Variants in HIPK2 observed in about 807,000 individuals in gnomAD.
HIPK2 encodes the protein homeodomain-interacting protein kinase 2.
In HIPK2, 27 loss-of-function variants were observed where a neutral mutation model predicts 113.7. That is an observed-to-expected ratio of 0.24 (90% CI 0.17 to 0.33). HIPK2 has a LOEUF of 0.33. Among genes scored for constraint, HIPK2 ranks in the 10% least tolerant of loss-of-function variants. The probability of loss-of-function intolerance (pLI) is 1.00; values close to 1 mark genes in which losing one functional copy is unlikely to be tolerated. For missense variants in HIPK2, 1,257 were observed against 1,588.0 expected, an observed-to-expected ratio of 0.79 and a Z score of 3.54; for synonymous variants, 631 against 642.2, an observed-to-expected ratio of 0.98 and a Z score of 0.26.
chr7:139,773,918 C>T (rs1796695256), intron 1 of HIPK2, among the ~76,000 whole-genome samples: 1 of 152,228 alleles, frequency 6.6e-6, no homozygotes, highest in South Asian at 2.1e-4. Flanking sequence ...CCCTGAAACT[C>T]TGCCCCAGCA....
At chr7:139,707,757 A>C (rs1794945178) in intron 2 of HIPK2, among the ~76,000 whole-genome samples, 1 of 152,244 alleles carries the variant, frequency 6.6e-6, no homozygotes, top group African/African-American at 2.4e-5. Flanking sequence ...CATACATGAG[A>C]GTTACAGCTC....
In HIPK2 at chr7:139,573,134, G is replaced by T; in HGVS notation, c.3390C>A (p.Thr1130=). The change falls in exon 15 of 15, where the codon ACC becomes ACA. Residue 1130 remains threonine, a synonymous_variant. Coordinates refer to ENST00000406875, the MANE Select transcript of HIPK2 (RefSeq NM_022740.5). Reference sequence around the variant, plus strand: ...TGGCTGGGTAGGCAGTGTGCTGCACGGTGTGGCGCGCAGAGCCTTGCGAGG... The same window carrying T: ...TGGCTGGGTAGGCAGTGTGCTGCACTGTGTGGCGCGCAGAGCCTTGCGAGG... ...LVASQGSARH[T]VQHTAYPASI... The T allele has an allele frequency of 6.2e-7, 1 of 1,611,638 alleles. No individual in the cohort carries two copies. Among genetic ancestry groups the T allele is most frequent in the Non-Finnish European group, 8.5e-7 (1 of 1,179,312 alleles).
Position 139,562,352 on chromosome 7 carries a change from G to A in HIPK2, c.*10575C>T, listed in dbSNP as rs1055028526. The A allele has an allele frequency of 2.6e-5, 4 of 152,236 alleles. No homozygotes were observed. The highest frequency in any genetic ancestry group is 4.8e-5 in the African/African-American group (2 of 41,438). 9.4% of individuals were successfully genotyped at this position (152,236 alleles called of 1,614,324 possible). A position where few individuals can be genotyped will look rare whatever the true frequency, so the allele number is the denominator to read the frequency against. ...GAGATGACCCTGGGGAGGGAGCCAC[G>A]TTCCTTGGACCTGGTGACTTAGTGT... On this transcript the variant is annotated 3_prime_UTR_variant, in exon 15 of 15. Coordinates refer to ENST00000406875, the MANE Select transcript of HIPK2 (RefSeq NM_022740.5).
intron 13 of HIPK2, among the ~76,000 whole-genome samples, chr7:139,582,721 G>A (rs1361703694): frequency 6.6e-6 from 1 of 152,246 alleles, no homozygotes; most frequent in Non-Finnish European, 1.5e-5. Flanking sequence ...TCCCCTTTAG[G>A]CAGAGCCTCT....
intron 1 of HIPK2, among the ~76,000 whole-genome samples, chr7:139,726,657 G>A (rs923478223): frequency 4.6e-5 from 7 of 152,196 alleles, no homozygotes; most frequent in African/African-American, 1.7e-4. Context: ...CCAGCACCCA[G>A]TTCCTACTTG....
intron 1 of HIPK2, among the ~76,000 whole-genome samples, chr7:139,747,684 C>A (rs527335299): frequency 6.4e-4 from 98 of 152,356 alleles, no homozygotes; most frequent in Non-Finnish European, 1.1e-3. Flanking sequence ...AGGGCACTAG[C>A]CAAGCCAGGG....
At chr7:139,720,276 T>TA (rs1291687137) in intron 1 of HIPK2, among the ~76,000 whole-genome samples, 3 of 152,186 alleles carry the variant, frequency 2.0e-5, no homozygotes, top group Non-Finnish European at 4.4e-5. Context: ...CTACAGCACT[T>TA]ACCATATGTA....
intron 1 of HIPK2, among the ~76,000 whole-genome samples, chr7:139,733,379 T>G (rs1253085658): frequency 6.6e-6 from 1 of 152,216 alleles, no homozygotes; most frequent in Non-Finnish European, 1.5e-5. Flanking sequence ...CTTTCAAAGC[T>G]TCTGCATCTC....
intron 2 of HIPK2, among the ~76,000 whole-genome samples, chr7:139,680,105 C>T (rs1285671318): frequency 6.6e-6 from 1 of 152,142 alleles, no homozygotes; most frequent in Non-Finnish European, 1.5e-5. Context: ...CTTAAGAATG[C>T]CTGTTCCCCT....
intron 2 of HIPK2, among the ~76,000 whole-genome samples, chr7:139,701,850 G>GGGAAGGCAC (rs1363783446): frequency 6.6e-6 from 1 of 152,184 alleles, no homozygotes; most frequent in Non-Finnish European, 1.5e-5. Context: ...GGGGAAGGCA[G>GGGAAGGCAC]GGAAGGCACC....
At chr7:139,766,184 G>C (rs759469170) in intron 1 of HIPK2, among the ~76,000 whole-genome samples, 1 of 152,178 alleles carries the variant, frequency 6.6e-6, no homozygotes. Flanking sequence ...GTGCCTCTGT[G>C]TAACACTGTG....
intron 2 of HIPK2, among the ~76,000 whole-genome samples, chr7:139,668,525 C>A (rs577241381): frequency 6.7e-6 from 1 of 149,842 alleles, no homozygotes; most frequent in Non-Finnish European, 1.5e-5. Context: ...CCAGTGAGAT[C>A]GCGCCACTGC....
At chr7:139,633,084 A>AGACCCTG (rs1373686216) in intron 2 of HIPK2, among the ~76,000 whole-genome samples, 2 of 141,124 alleles carry the variant, frequency 1.4e-5, no homozygotes, top group Non-Finnish European at 1.5e-5. Context: ...CGACAGAAAT[A>AGACCCTG]GACCCTGTCT....
chr7:139,573,222 T>A lies in HIPK2; in HGVS notation c.3302A>T (p.His1101Leu), dbSNP rs1305766466. Residue 1101 changes from histidine (H) to leucine (L), a missense_variant, in exon 15 of 15, where the codon CAC becomes CTC. His to Leu is a moderately conservative substitution (Grantham distance 99). Coordinates refer to ENST00000406875, the MANE Select transcript of HIPK2 (RefSeq NM_022740.5). ...AAAAHLPTQP[H>L]LYTYTAPAAL... ...CGCCGGCGCAGTGTAGGTGTAGAGG[T>A]GGGGCTGGGTGGGGAGGTGGGCAGC... 6.4e-7 allele frequency: 1 copy of A among 1,560,234 alleles called. No individual in the cohort carries two copies.
In HIPK2 at chr7:139,572,887, C is replaced by T; in HGVS notation, c.*40G>A. The T allele has an allele frequency of 7.6e-7, 1 of 1,323,460 alleles. No individual in the cohort carries two copies. 82.0% of individuals were successfully genotyped at this position (1,323,460 alleles called of 1,614,324 possible). A position where few individuals can be genotyped will look rare whatever the true frequency, so the allele number is the denominator to read the frequency against. On this transcript the variant is annotated 3_prime_UTR_variant, in exon 15 of 15. Transcript: ENST00000406875. ...TCCTTCTCTCCCTCCTCCCTCGGGC[C>T]ATTCTCTCCCTCCCTCCCTCCCTCC...
chr7:139,677,575 A>T (rs1802547079), intron 2 of HIPK2, among the ~76,000 whole-genome samples: 1 of 152,086 alleles, frequency 6.6e-6, no homozygotes, highest in African/African-American at 2.4e-5. Context: ...CCACTTTTCT[A>T]TTATTTTTTT....
At chr7:139,605,793 A>C (rs1440516458) in intron 9 of HIPK2, among the ~76,000 whole-genome samples, 1 of 152,126 alleles carries the variant, frequency 6.6e-6, no homozygotes, top group Non-Finnish European at 1.5e-5. Context: ...GAAAGAAGCA[A>C]CTCTACCAAC....
intron 1 of HIPK2, 130 bp from the exon 2 acceptor site, chr7:139,717,145 T>C: frequency 8.1e-7 from 1 of 1,228,584 alleles, no homozygotes. Context: ...GAAAACAAGG[T>C]TGAAAAAGTG....
At chr7:139,658,681 T>A (rs541831264) in intron 2 of HIPK2, among the ~76,000 whole-genome samples, 2 of 151,738 alleles carry the variant, frequency 1.3e-5, no homozygotes, top group African/African-American at 2.4e-5. Context: ...TACGGCAGAG[T>A]TGGGAGGTGC....
Sources: allele counts gnomAD v4.1 joint callset (sites outside exome capture counted in the v4.1 genomes callset), GRCh38; gene constraint gnomAD v4.1.1; transcripts MANE v1.5; gene names NCBI Gene and HGNC (gene_info 2026-07-23, HGNC 2026-07-21).